Variants in HCRTR2 observed in about 807,000 individuals in gnomAD.
HCRTR2 encodes the protein hypocretin receptor 2.
A neutral mutation model predicts 49.0 loss-of-function variants in HCRTR2; 22 were observed. That is an observed-to-expected ratio of 0.45 (90% CI 0.32 to 0.64). HCRTR2 has a LOEUF of 0.64. Among genes scored for constraint, HCRTR2 ranks in the 30% least tolerant of loss-of-function variants. The pLI is 0.04. For missense variants in HCRTR2, 491 were observed against 559.4 expected, an observed-to-expected ratio of 0.88 and a Z score of 1.23; for synonymous variants, 236 against 205.3, an observed-to-expected ratio of 1.15 and a Z score of -1.28.
intron 2 of HCRTR2, among the ~76,000 whole-genome samples, chr6:55,252,093 A>G (rs1409652700): frequency 6.6e-6 from 1 of 152,170 alleles, no homozygotes; most frequent in East Asian, 1.9e-4. Flanking sequence ...ATAATTGTAT[A>G]TTAATGTGTT....
intron 4 of HCRTR2, among the ~76,000 whole-genome samples, chr6:55,271,675 T>C (rs1280212732): frequency 1.3e-5 from 2 of 152,112 alleles, no homozygotes; most frequent in Admixed American, 1.3e-4. Flanking sequence ...AGAACTCTTA[T>C]GAATTAATAA....
chr6:55,221,512 A>G (rs1765890864), intron 1 of HCRTR2, among the ~76,000 whole-genome samples: 1 of 152,138 alleles, frequency 6.6e-6, no homozygotes, highest in African/African-American at 2.4e-5. Flanking sequence ...AGTCAAAATG[A>G]ATTAAAAATT....
chr6:55,207,793 C>A (rs928144954), intron 1 of HCRTR2, among the ~76,000 whole-genome samples: 3 of 152,092 alleles, frequency 2.0e-5, no homozygotes, highest in African/African-American at 7.2e-5. Context: ...TAAAATAGCA[C>A]AACTCACTTT....
At chr6:55,221,069 A>G (rs550073188) in intron 1 of HCRTR2, among the ~76,000 whole-genome samples, 1 of 152,320 alleles carries the variant, frequency 6.6e-6, no homozygotes, top group South Asian at 2.1e-4. Flanking sequence ...AATAAATAGA[A>G]AGATAATTCT....
At chr6:55,252,538 A>G (rs1479619603) in intron 2 of HCRTR2, among the ~76,000 whole-genome samples, 1 of 152,078 alleles carries the variant, frequency 6.6e-6, no homozygotes, top group African/African-American at 2.4e-5. Context: ...CCAGGTTAGC[A>G]ATGGTATTGA....
At chr6:55,132,143 CAT>C (rs1241874826) in intron 1 of HCRTR2, among the ~76,000 whole-genome samples, 1 of 151,588 alleles carries the variant, frequency 6.6e-6, no homozygotes, top group African/African-American at 2.4e-5. Flanking sequence ...TTTGAATAAA[CAT>C]ATAAAAGTTA....
intron 1 of HCRTR2, among the ~76,000 whole-genome samples, chr6:55,154,792 T>C (rs1764709026): frequency 6.6e-6 from 1 of 151,726 alleles, no homozygotes; most frequent in South Asian, 2.1e-4. Context: ...TGAGCTGATC[T>C]CATGTGTAGA....
intron 1 of HCRTR2, among the ~76,000 whole-genome samples, chr6:55,162,291 T>A (rs908887224): frequency 2.6e-5 from 4 of 152,222 alleles, no homozygotes. Context: ...TTAACAGCCC[T>A]TCATGCTAAA....
chr6:55,272,251 A>G (rs1294203018), intron 4 of HCRTR2, among the ~76,000 whole-genome samples: 2 of 152,172 alleles, frequency 1.3e-5, no homozygotes, highest in Non-Finnish European at 2.9e-5. Context: ...GAAAGAAGCC[A>G]GGCACAGAAG....
chr6:55,179,545 TAAC>T (rs1341350769), intron 1 of HCRTR2, among the ~76,000 whole-genome samples: 1 of 152,184 alleles, frequency 6.6e-6, no homozygotes, highest in African/African-American at 2.4e-5. Flanking sequence ...ATTTCATAGA[TAAC>T]AGCAACATTT....
Position 55,174,610 on chromosome 6 carries a change from A to G in HCRTR2, c.23A>G (p.Asp8Gly). 7 of 1,612,258 alleles carry G rather than the reference A, an allele frequency of 4.3e-6. No homozygotes were observed. Among genetic ancestry groups the G allele is most frequent in the Non-Finnish European group, 5.9e-6 (7 of 1,179,664 alleles). ...GTGATGTCCGGCACCAAATTGGAGGACTCCCCCCCTTGTCGCAACTGGTCA... is the reference window on the plus strand; with the variant it reads ...GTGATGTCCGGCACCAAATTGGAGGGCTCCCCCCCTTGTCGCAACTGGTCA... MSGTKLEDSPPCRNWSSA... is the reference protein window; with the variant it reads MSGTKLEGSPPCRNWSSA... The change falls in exon 1 of 7, where the codon GAC becomes GGC. Residue 8 changes from aspartate (D) to glycine (G), a missense_variant. By Grantham distance (94) the Asp-to-Gly change is moderately conservative (BLOSUM62 -1). Coordinates refer to ENST00000370862, the MANE Select transcript of HCRTR2 (RefSeq NM_001384272.1).
At chr6:55,271,198 T>C (rs958684375) in intron 4 of HCRTR2, among the ~76,000 whole-genome samples, 4 of 152,166 alleles carry the variant, frequency 2.6e-5, no homozygotes, top group Non-Finnish European at 5.9e-5. Flanking sequence ...CAGTTAGTCA[T>C]ATAGATCAGT....
intron 1 of HCRTR2, among the ~76,000 whole-genome samples, chr6:55,165,950 G>T (rs1307022567): frequency 6.6e-6 from 1 of 151,678 alleles, no homozygotes; most frequent in Non-Finnish European, 1.5e-5. Context: ...ATATTACAAT[G>T]ATATTAGACA....
intron 1 of HCRTR2, among the ~76,000 whole-genome samples, chr6:55,247,284 C>T (rs1215282368): frequency 6.6e-6 from 1 of 152,010 alleles, no homozygotes; most frequent in Non-Finnish European, 1.5e-5. Flanking sequence ...AGTTAGAGGA[C>T]AATGTGAAGT....
intron 1 of HCRTR2, among the ~76,000 whole-genome samples, chr6:55,216,945 A>G (rs1358331749): frequency 6.6e-6 from 1 of 152,158 alleles, no homozygotes; most frequent in African/African-American, 2.4e-5. Context: ...TAGTGGCCCT[A>G]CAACTCTTGC....
chr6:55,172,661 A>G (rs1764967790), upstream of HCRTR2, among the ~76,000 whole-genome samples: 1 of 152,214 alleles, frequency 6.6e-6, no homozygotes, highest in South Asian at 2.1e-4. Context: ...TTTGCTGCTG[A>G]TTAATCCATT....
intron 1 of HCRTR2, among the ~76,000 whole-genome samples, chr6:55,222,226 G>A (rs954521388): frequency 6.6e-6 from 1 of 151,708 alleles, no homozygotes; most frequent in Non-Finnish European, 1.5e-5. Flanking sequence ...TTAGTAATTA[G>A]GGAAATGCAA....
At chr6:55,198,849 A>G (rs1277855633) in intron 1 of HCRTR2, among the ~76,000 whole-genome samples, 1 of 152,182 alleles carries the variant, frequency 6.6e-6, no homozygotes, top group Non-Finnish European at 1.5e-5. Context: ...TCAGGATCCA[A>G]TCTGTCACTC....
intron 4 of HCRTR2, among the ~76,000 whole-genome samples, chr6:55,273,704 A>G (rs1005382572): frequency 8.6e-6 from 1 of 116,584 alleles, no homozygotes; most frequent in Middle Eastern, 4.8e-3. Flanking sequence ...TTGCTCATAT[A>G]CTTTCTTCCT....
Sources: allele counts gnomAD v4.1 joint callset (sites outside exome capture counted in the v4.1 genomes callset), GRCh38; gene constraint gnomAD v4.1.1; transcripts MANE v1.5; gene names NCBI Gene and HGNC (gene_info 2026-07-23, HGNC 2026-07-21).